Variants in CSMD1 observed in about 807,000 individuals in gnomAD.
CSMD1 encodes CUB and Sushi multiple domains 1, also known as CUB and sushi domain-containing protein 1.
CSMD1 carries 213 observed loss-of-function variants against 417.5 expected under a neutral mutation model. The ratio of observed to expected loss-of-function variants is 0.51; its 90% CI spans 0.46 to 0.57. The LOEUF is 0.57. Among genes scored for constraint, CSMD1 ranks in the 20% least tolerant of loss-of-function variants. CSMD1 has a pLI of 0.00. For synonymous variants in CSMD1, 2,862 were observed against 1,736.8 expected (o/e 1.65, Z -16.11); for missense variants, 6,923 against 4,529.7 (o/e 1.53, Z -15.17).
chr8:3,076,038 G>T (rs193217854), intron 49 of CSMD1, among the ~76,000 whole-genome samples: 2 of 149,136 alleles, frequency 1.3e-5, no homozygotes, highest in South Asian at 2.1e-4. Context: ...GCGACAGAGC[G>T]AGACTCCGTC....
At chr8:4,039,545 G>A (rs920733587) in intron 3 of CSMD1, among the ~76,000 whole-genome samples, 7 of 152,136 alleles carry the variant, frequency 4.6e-5, no homozygotes, top group African/African-American at 1.7e-4. Context: ...CAAAAGCAAT[G>A]AGGACCTCCC....
chr8:4,342,374 C>A lies in CSMD1; in HGVS notation c.415+77579G>T, dbSNP rs536504380. Among the ~76,000 whole-genome samples, 63 of 152,146 alleles carry A rather than the reference C, an allele frequency of 4.1e-4. 1 individual carries two copies. The highest frequency in any genetic ancestry group is 1.3e-3 in the African/African-American group (54 of 41,522). ...ATGTGTATACATTCTACAGCTATCA[C>A]ATATGTTTATTATAGTATAAATGTG... On this transcript the variant is annotated intron_variant, in intron 3 of 69. Transcript: ENST00000635120.
rs892693425 is a variant in CSMD1, at chr8:4,206,638, T to C, written c.416-174539A>G. 3.3e-5 allele frequency among the ~76,000 whole-genome samples: 5 copies of C among 152,320 alleles called. No homozygotes were observed. In the South Asian group the frequency reaches 8.3e-4, roughly 25 times the overall value. On this transcript the variant is annotated intron_variant, in intron 3 of 69. Coordinates refer to ENST00000635120, the MANE Select transcript of CSMD1 (RefSeq NM_033225.6). ...TTTGCTACTGTGAACAGTGATGCAA[T>C]AAACGTATGTGTGCATGTGTCTTTA... is the stretch of plus-strand genomic sequence containing the variant.
chr8:3,017,906 T>G (rs654915), intron 52 of CSMD1, among the ~76,000 whole-genome samples: 2 of 147,642 alleles, frequency 1.4e-5, no homozygotes, highest in African/African-American at 2.5e-5. Flanking sequence ...CCAGCAGACC[T>G]ACTAAGATCA....
At chr8:3,262,282 A>G (rs1215820891) in intron 26 of CSMD1, among the ~76,000 whole-genome samples, 1 of 146,388 alleles carries the variant, frequency 6.8e-6, no homozygotes, top group African/African-American at 2.5e-5. Flanking sequence ...ATTGCCAATA[A>G]GCGTCACAGA....
chr8:3,007,484 C>T (rs1289623856), intron 52 of CSMD1, among the ~76,000 whole-genome samples: 13 of 151,200 alleles, frequency 8.6e-5, no homozygotes, highest in African/African-American at 1.7e-4. Context: ...ATGTTTATTG[C>T]GGCATTATTC....
intron 8 of CSMD1, among the ~76,000 whole-genome samples, chr8:3,586,673 C>A (rs536492239): frequency 6.6e-6 from 1 of 152,166 alleles, no homozygotes; most frequent in African/African-American, 2.4e-5. Context: ...GTAAAAAAGT[C>A]TAGGTTAAGA....
intron 56 of CSMD1, 101 bp downstream of exon 56, chr8:2,974,350 T>C: frequency 3.5e-6 from 4 of 1,133,664 alleles, no homozygotes; most frequent in East Asian, 2.6e-5. Context: ...TGCATAATTA[T>C]AGGGCTTTTC....
At chr8:2,976,191 A>G (rs1400581998) in intron 55 of CSMD1, among the ~76,000 whole-genome samples, 1 of 151,704 alleles carries the variant, frequency 6.6e-6, no homozygotes, top group Non-Finnish European at 1.5e-5. Context: ...TTCTGTGTAG[A>G]TTAGAGGAAT....
At chr8:4,533,647 A>C (rs558543017) in intron 2 of CSMD1, among the ~76,000 whole-genome samples, 2 of 152,154 alleles carry the variant, frequency 1.3e-5, no homozygotes, top group Non-Finnish European at 2.9e-5. Context: ...GCAGACCCCA[A>C]AACGATGTCA....
At chr8:3,047,855 G>A (rs757757572) in intron 50 of CSMD1, among the ~76,000 whole-genome samples, 5 of 152,146 alleles carry the variant, frequency 3.3e-5, no homozygotes, top group African/African-American at 7.2e-5. Context: ...GCTATGTGTG[G>A]CCTTTACACA....
At chr8:3,151,921 G>C (rs79197291) in intron 39 of CSMD1, among the ~76,000 whole-genome samples, 1 of 152,158 alleles carries the variant, frequency 6.6e-6, no homozygotes, top group Admixed American at 6.5e-5. Context: ...ACATTGCATA[G>C]ATTAACTCAC....
At chr8:4,445,892 A>C (rs1396386056) in intron 2 of CSMD1, among the ~76,000 whole-genome samples, 1 of 152,156 alleles carries the variant, frequency 6.6e-6, no homozygotes, top group African/African-American at 2.4e-5. Flanking sequence ...AAGAGGAGAG[A>C]GCACGGATGC....
intron 2 of CSMD1, among the ~76,000 whole-genome samples, chr8:4,587,650 G>A (rs1370321101): frequency 6.6e-6 from 1 of 152,066 alleles, no homozygotes; most frequent in Non-Finnish European, 1.5e-5. Flanking sequence ...CTCATTTACT[G>A]AAGAGAACTA....
chr8:4,813,400 T>A (rs1156324492), intron 1 of CSMD1, among the ~76,000 whole-genome samples: 1 of 152,218 alleles, frequency 6.6e-6, no homozygotes, highest in East Asian at 1.9e-4. Flanking sequence ...CTTAAAACTT[T>A]AATTTTATGG....
chr8:3,506,888 C>T (rs917203555), intron 10 of CSMD1, among the ~76,000 whole-genome samples: 3 of 152,046 alleles, frequency 2.0e-5, no homozygotes, highest in South Asian at 2.1e-4. Flanking sequence ...TATTTGATGT[C>T]GGATAATTTG....
intron 2 of CSMD1, among the ~76,000 whole-genome samples, chr8:4,521,483 T>C (rs898464766): frequency 6.6e-6 from 1 of 152,248 alleles, no homozygotes; most frequent in Non-Finnish European, 1.5e-5. Flanking sequence ...TGCATTTATA[T>C]AAGAAAATTC....
chr8:3,795,142 T>G (rs79357736), intron 5 of CSMD1, among the ~76,000 whole-genome samples: 15,535 of 67,224 alleles, frequency 0.23, 2,859 homozygotes, highest in East Asian at 0.29. Context: ...GCTATAGATA[T>G]CTATCATGTA....
intron 1 of CSMD1, among the ~76,000 whole-genome samples, chr8:4,884,402 T>A (rs967677921): frequency 3.9e-5 from 6 of 152,060 alleles, no homozygotes; most frequent in Non-Finnish European, 5.9e-5. Context: ...CTATATGTAT[T>A]TTTTGTTGTT....
Sources: gnomAD v4.1 joint callset for allele counts (sites outside exome capture counted in the v4.1 genomes callset) on GRCh38, gnomAD v4.1.1 for gene constraint, MANE v1.5 for transcripts, NCBI Gene and HGNC (gene_info 2026-07-23, HGNC 2026-07-21) for gene names.